CWC22: variants seen among roughly 807,000 people sequenced by gnomAD.
The protein encoded by CWC22 is CWC22 spliceosome associated protein.
A neutral mutation model predicts 117.2 loss-of-function variants in CWC22; 53 were observed. That is an observed-to-expected ratio of 0.45 (90% confidence interval 0.36 to 0.57). CWC22 has a LOEUF of 0.57. Ranked by LOEUF, CWC22 falls within the 20% of genes least tolerant of loss-of-function variation. The pLI is 0.00. For missense variants in CWC22, 980 were observed against 1,068.8 expected (o/e 0.92, Z 1.16); for synonymous variants, 360 against 355.6 (o/e 1.01, Z -0.14).
intron 6 of CWC22, among the ~76,000 whole-genome samples, chr2:179,975,694 A>T (rs934290074): frequency 5.3e-5 from 8 of 152,172 alleles, no homozygotes; most frequent in African/African-American, 1.7e-4. Flanking sequence ...TGAAAAAAAA[A>T]GTTAGGAATA....
intron 1 of CWC22, among the ~76,000 whole-genome samples, chr2:179,994,118 T>C (rs1179123239): frequency 6.6e-6 from 1 of 152,226 alleles, no homozygotes; most frequent in African/African-American, 2.4e-5. Flanking sequence ...TAGCAATTTC[T>C]GCAAGATGCT....
intron 1 of CWC22, among the ~76,000 whole-genome samples, chr2:180,002,084 CA>C (rs1202111894): frequency 1.3e-5 from 2 of 152,152 alleles, no homozygotes; most frequent in Non-Finnish European, 2.9e-5. Context: ...TCTAGAGTTC[CA>C]AATCATGATG....
At position 180,000,940 on chromosome 2, in the gene CWC22, A is replaced by G. The variant is rs6760751; in HGVS notation, c.-114+5927T>C. Among the ~76,000 whole-genome samples the G allele has an allele frequency of 3.9e-3, 601 of 152,274 alleles. 4 individuals carry two copies. The highest frequency in any genetic ancestry group is 0.014 in the African/African-American group (582 of 41,542). On this transcript the variant is annotated intron_variant, in intron 1 of 19. Coordinates refer to ENST00000410053, the MANE Select transcript of CWC22 (RefSeq NM_020943.3). ...ATTTCCTGTATCATGAAGCTAGTCT[A>G]TTTTAGGCTGTTTAAGTAACCAAAT... is the stretch of plus-strand genomic sequence containing the variant.
intron 1 of CWC22, among the ~76,000 whole-genome samples, chr2:179,996,849 T>C (rs1424842320): frequency 6.9e-6 from 1 of 145,580 alleles, no homozygotes; most frequent in Non-Finnish European, 1.5e-5. Context: ...AAAGTTAACG[T>C]AGAATTCCAG....
At chr2:179,971,910 G>A (rs1687044505) in intron 8 of CWC22, among the ~76,000 whole-genome samples, 1 of 152,092 alleles carries the variant, frequency 6.6e-6, no homozygotes, top group African/African-American at 2.4e-5. Context: ...AGGGGAGGAG[G>A]GGTGTCAAAC....
intron 19 of CWC22, among the ~76,000 whole-genome samples, chr2:179,946,585 T>C (rs1302374297): frequency 6.6e-6 from 1 of 151,890 alleles, no homozygotes; most frequent in Non-Finnish European, 1.5e-5. Flanking sequence ...ATAGCAAATG[T>C]AAAAATTTTA....
In CWC22 at chr2:179,954,322, G is replaced by A. The variant is rs1379368935; in HGVS notation, c.1572C>T (p.Ser524=). Reference sequence around the variant, plus strand: ...ACTGTTCTTTGAATATACCTTCAAAGGATTCCATGTACTCTTTCTTTAGCA... The same window carrying A: ...ACTGTTCTTTGAATATACCTTCAAAAGATTCCATGTACTCTTTCTTTAGCA... ...FCMLKKEYME[S]FEGIFKEQYD... Residue 524 remains serine, a synonymous_variant, in exon 16 of 20, where the codon TCC becomes TCT. Coordinates refer to ENST00000410053, the MANE Select transcript of CWC22 (RefSeq NM_020943.3). The A allele has an allele frequency of 7.5e-6, 12 of 1,601,256 alleles. No homozygotes were observed. In the South Asian group the frequency reaches 1.2e-4, roughly 16 times the overall value.
chr2:179,960,417 G>T (rs1686721419), intron 13 of CWC22, among the ~76,000 whole-genome samples: 1 of 151,758 alleles, frequency 6.6e-6, no homozygotes, highest in Non-Finnish European at 1.5e-5. Context: ...CAGGTAGAAT[G>T]GTTAACAATG....
intron 13 of CWC22, among the ~76,000 whole-genome samples, chr2:179,961,083 C>T (rs935699871): frequency 1.3e-5 from 2 of 151,942 alleles, no homozygotes; most frequent in African/African-American, 4.8e-5. Context: ...AGGGCATCTA[C>T]ATTTTATAAA....
At chr2:179,985,747 T>C (rs1055743633) in intron 4 of CWC22, among the ~76,000 whole-genome samples, 5 of 152,090 alleles carry the variant, frequency 3.3e-5, no homozygotes, top group Admixed American at 2.0e-4. Context: ...TTAGTTACTA[T>C]TGTTAATCTT....
intron 2 of CWC22, 144 bp from the exon 3 acceptor site, chr2:179,988,788 T>C (rs1309861015): frequency 2.0e-6 from 1 of 500,862 alleles, no homozygotes; most frequent in Non-Finnish European, 3.5e-6. Flanking sequence ...TCATGTAACC[T>C]AAACAGTCTA....
chr2:179,978,676 A>C (rs1036822704), intron 5 of CWC22, among the ~76,000 whole-genome samples: 1 of 152,098 alleles, frequency 6.6e-6, no homozygotes, highest in Non-Finnish European at 1.5e-5. Flanking sequence ...TTTAATGGAA[A>C]CCTTTAAAAT....
intron 14 of CWC22, among the ~76,000 whole-genome samples, chr2:179,956,173 TATG>T (rs1686586502): frequency 6.6e-6 from 1 of 151,936 alleles, no homozygotes; most frequent in South Asian, 2.1e-4. Context: ...ATTTACTGCA[TATG>T]TTAACAGTAT....
chr2:179,998,195 C>A (rs1687755828), intron 1 of CWC22, among the ~76,000 whole-genome samples: 1 of 152,144 alleles, frequency 6.6e-6, no homozygotes, highest in Admixed American at 6.5e-5. Context: ...GCCACTTAGG[C>A]AGAATATAGA....
rs904834537 is a variant in CWC22 at position 179,950,996 on chromosome 2, T to C, written c.1818-70A>G. Reference sequence around the variant, plus strand: ...ATAAAAAGGTAAAATCCTTAGTCATTTTTCAGATTTTTCATATATTAAATT... The same window carrying C: ...ATAAAAAGGTAAAATCCTTAGTCATCTTTCAGATTTTTCATATATTAAATT... On this transcript the variant is annotated intron_variant, in intron 17 of 19. Coordinates refer to ENST00000410053, the MANE Select transcript of CWC22 (RefSeq NM_020943.3). 5.6e-6 allele frequency: 5 copies of C among 894,176 alleles called. No individual in the cohort carries two copies. In the Admixed American group the frequency reaches 8.0e-5, roughly 14 times the overall value. The allele number at this position is 894,176 out of a possible 1,614,324, so 55.4% of individuals were successfully genotyped here. A position where few individuals can be genotyped will look rare whatever the true frequency, so the allele number is the denominator to read the frequency against.
At chr2:180,002,923 A>G (rs1392455358) in intron 1 of CWC22, among the ~76,000 whole-genome samples, 2 of 152,232 alleles carry the variant, frequency 1.3e-5, no homozygotes, top group South Asian at 4.1e-4. Context: ...GTATGAGTAC[A>G]CTGGATCCTC....
intron 1 of CWC22, among the ~76,000 whole-genome samples, chr2:179,999,386 G>A (rs556048680): frequency 1.3e-5 from 2 of 152,148 alleles, no homozygotes; most frequent in African/African-American, 4.8e-5. Context: ...TTCTCCCGAA[G>A]AAAGGATATT....
At chr2:179,965,597 A>C (rs1345276586) in intron 12 of CWC22, among the ~76,000 whole-genome samples, 1 of 152,242 alleles carries the variant, frequency 6.6e-6, no homozygotes, top group Non-Finnish European at 1.5e-5. Context: ...AATATACTAA[A>C]TTAAAATTGT....
intron 2 of CWC22, among the ~76,000 whole-genome samples, chr2:179,990,262 A>G (rs1687525921): frequency 6.6e-6 from 1 of 152,210 alleles, no homozygotes; most frequent in African/African-American, 2.4e-5. Flanking sequence ...AGAAATGTTC[A>G]ATATATATGA....
Sources: gnomAD v4.1 joint callset for allele counts (sites outside exome capture counted in the v4.1 genomes callset) on GRCh38, gnomAD v4.1.1 for gene constraint, MANE v1.5 for transcripts, NCBI Gene and HGNC (gene_info 2026-07-23, HGNC 2026-07-21) for gene names.